Variants in TSC1 observed in about 807,000 individuals in gnomAD.
TSC1 encodes the protein TSC complex subunit 1.
A neutral mutation model predicts 124.3 loss-of-function variants in TSC1; 20 were observed. That is an observed-to-expected ratio of 0.16 (90% CI 0.11 to 0.23). TSC1 has a LOEUF of 0.23. Among genes scored for constraint, TSC1 ranks in the 10% least tolerant of loss-of-function variants. The pLI is 1.00. For synonymous variants in TSC1, 493 were observed against 539.1 expected (o/e 0.91, Z 1.19); for missense variants, 1,124 against 1,448.5 (o/e 0.78, Z 3.64).
At position 132,903,911 on chromosome 9, in the gene TSC1, A is replaced by C. The variant is rs187044247; in HGVS notation, c.2042-94T>G. On this transcript the variant is annotated intron_variant, in intron 16 of 22. Transcript: ENST00000298552. The surrounding 1 kb of genome is among the most constrained non-coding windows in gnomAD (Gnocchi z 5.9). The stretch of plus-strand genomic sequence containing the variant: ...ATGTGTTGTTAGCTTAACAAACACA[A>C]TTCTTTAAAAACAAATCACCACTCT... 2.3e-5 allele frequency: 34 copies of C among 1,465,318 alleles called. No homozygotes were observed. In the Admixed American group the frequency reaches 5.6e-4, roughly 24 times the overall value. 90.8% of individuals were successfully genotyped at this position (1,465,318 alleles called of 1,614,324 possible). A position where few individuals can be genotyped will look rare whatever the true frequency, so the allele number is the denominator to read the frequency against.
chr9:132,927,938 C>T (rs991904271), intron 3 of TSC1, among the ~76,000 whole-genome samples: 1 of 152,146 alleles, frequency 6.6e-6, no homozygotes, highest in Non-Finnish European at 1.5e-5. Flanking sequence ...GCCTCCCAAC[C>T]CACTCTTCAC....
At chr9:132,913,587 G>A (rs144531976) in intron 8 of TSC1, among the ~76,000 whole-genome samples, 1,524 of 152,148 alleles carry the variant, frequency 0.01, 22 homozygotes, top group African/African-American at 0.035. Context: ...AGCACTTTGG[G>A]AGGCTGAGGC....
rs1319022213 is a variant in TSC1, at chr9:132,921,453, G to A, written c.664-17C>T. On this transcript the variant is annotated splice_polypyrimidine_tract_variant and intron_variant, in intron 7 of 22. Transcript: ENST00000298552. This position sits in a 1 kb window ranked among gnomAD's most constrained non-coding sequence, Gnocchi z 4.3. ...CATCATTGGCTAGAAGAGTTGGGTT[G>A]ACAAATTATAAAGGGCTGAATGTTT... 6.8e-6 allele frequency: 11 copies of A among 1,613,820 alleles called. No homozygotes were observed. In the Admixed American group the frequency reaches 1.8e-4, roughly 27 times the overall value.
chr9:132,891,803 A>G lies in TSC1; in HGVS notation c.*4432T>C, dbSNP rs1010418681. On this transcript the variant is annotated 3_prime_UTR_variant, in exon 23 of 23. Coordinates refer to ENST00000298552, the MANE Select transcript of TSC1 (RefSeq NM_000368.5). The stretch of plus-strand genomic sequence containing the variant: ...TGCAAAATGCGTGGCTGCCTCTTTC[A>G]TAAGCCAAAGTACTTGCTACACAGA... 7.7e-5 allele frequency: 18 copies of G among 233,596 alleles called. No homozygotes were observed. The highest frequency in any genetic ancestry group is 4.5e-4 in the Admixed American group (8 of 17,778). The allele number at this position is 233,596 out of a possible 1,614,324, so 14.5% of individuals were successfully genotyped here.
At position 132,892,104 on chromosome 9, in the gene TSC1, A is replaced by G. The variant is rs1269500765; in HGVS notation, c.*4131T>C. The stretch of plus-strand genomic sequence containing the variant: ...TTGTAGCTACAGCTACTCTTCCCTC[A>G]GGCGAGCAGATAAGGACTGCAGGAC... On this transcript the variant is annotated 3_prime_UTR_variant, in exon 23 of 23. Coordinates refer to ENST00000298552, the MANE Select transcript of TSC1 (RefSeq NM_000368.5). 3 of 233,024 alleles carry G rather than the reference A, an allele frequency of 1.3e-5. No homozygotes were observed. The highest frequency in any genetic ancestry group is 6.6e-5 in the African/African-American group (3 of 45,344). 14.4% of individuals were successfully genotyped at this position (233,024 alleles called of 1,614,324 possible). A position where few individuals can be genotyped will look rare whatever the true frequency, so the allele number is the denominator to read the frequency against.
In TSC1 at chr9:132,906,953, G is replaced by T; in HGVS notation, c.1334-118C>A. Reference sequence around the variant, plus strand: ...TAACTCTTCATGCTGAACAGAGAAGGCTGGACATGGCTCTGTCCTGGGGAT... The same window carrying T: ...TAACTCTTCATGCTGAACAGAGAAGTCTGGACATGGCTCTGTCCTGGGGAT... On this transcript the variant is annotated intron_variant, in intron 13 of 22. Coordinates refer to ENST00000298552, the MANE Select transcript of TSC1 (RefSeq NM_000368.5). This position sits in a 1 kb window ranked among gnomAD's most constrained non-coding sequence, Gnocchi z 4.1. The T allele has an allele frequency of 1.2e-6, 1 of 817,990 alleles. No individual in the cohort carries two copies. The highest frequency in any genetic ancestry group is 2.1e-6 in the Non-Finnish European group (1 of 486,088). The allele number at this position is 817,990 out of a possible 1,614,324, so 50.7% of individuals were successfully genotyped here. A position where few individuals can be genotyped will look rare whatever the true frequency, so the allele number is the denominator to read the frequency against.
chr9:132,940,401 G>A (rs1440446737), intron 1 of TSC1, among the ~76,000 whole-genome samples: 2 of 152,110 alleles, frequency 1.3e-5, no homozygotes, highest in African/African-American at 4.8e-5. Flanking sequence ...GGGACATAAA[G>A]GGTAGAAGAG....
intron 5 of TSC1, among the ~76,000 whole-genome samples, chr9:132,924,559 C>T (rs1338711783): frequency 6.6e-6 from 1 of 152,122 alleles, no homozygotes; most frequent in Non-Finnish European, 1.5e-5. Flanking sequence ...AAGTGTTTTG[C>T]AATCTGAACT....
At chr9:132,942,424 A>T (rs949186447) in intron 1 of TSC1, 4 of 152,242 alleles carry the variant, frequency 2.6e-5, no homozygotes, top group Non-Finnish European at 4.4e-5. Context: ...CAAGTTCATT[A>T]TTCTGCAAAC....
upstream of TSC1, chr9:132,944,626 C>T (rs886063629): frequency 1.3e-5 from 5 of 398,788 alleles, no homozygotes; most frequent in Non-Finnish European, 2.2e-5. Flanking sequence ...CAGCACCTCC[C>T]CCGTCGTGAA....
In TSC1 at chr9:132,896,327, G is replaced by A. The variant is rs749612772; in HGVS notation, c.3403C>T (p.Leu1135=). 1 of 1,614,228 alleles carries A rather than the reference G, an allele frequency of 6.2e-7. No homozygotes were observed. Among genetic ancestry groups the A allele is most frequent in the Non-Finnish European group, 8.5e-7 (1 of 1,180,030 alleles). Reference sequence around the variant, plus strand: ...GGGGGAGACGGGTGAGGGCCATCTAGGTTCAGGGGAATCTTGGCTTCCACA... The same window carrying A: ...GGGGGAGACGGGTGAGGGCCATCTAAGTTCAGGGGAATCTTGGCTTCCACA... ...LGVEAKIPLN[L]DGPHPSPPTP... Residue 1135 remains leucine (L), a synonymous_variant, in exon 23 of 23, where the codon CTA becomes TTA. Transcript: ENST00000298552. This position sits in a 1 kb window ranked among gnomAD's most constrained non-coding sequence, Gnocchi z 4.5.
At chr9:132,904,499 G>C in intron 15 of TSC1, 45 bp from the exon 16 acceptor site, 1 of 1,592,658 alleles carries the variant, frequency 6.3e-7, no homozygotes, top group East Asian at 2.2e-5. Flanking sequence ...ATCTTACCAA[G>C]AAAAAAACGT....
intron 1 of TSC1, among the ~76,000 whole-genome samples, chr9:132,936,524 A>G (rs775944257): frequency 1.1e-4 from 16 of 152,148 alleles, no homozygotes; most frequent in Non-Finnish European, 1.0e-4. Context: ...TCATTTTTCT[A>G]TTTTCTTCCC....
At position 132,902,480 on chromosome 9, in the gene TSC1, G is replaced by C. The variant is rs1845431770; in HGVS notation, c.2391+125C>G. On this transcript the variant is annotated intron_variant, in intron 18 of 22. Transcript: ENST00000298552. The surrounding 1 kb of genome is among the most constrained non-coding windows in gnomAD (Gnocchi z 5.2). ...ATGAAGAATTTCTGCCATGATTTCA[G>C]AGAGAAAAGCATTCAGCTTAGTAAA... 8.1e-7 allele frequency: 1 copy of C among 1,240,906 alleles called. No homozygotes were observed. The highest frequency in any genetic ancestry group is 1.7e-5 in the Admixed American group (1 of 57,522). 76.9% of individuals were successfully genotyped at this position (1,240,906 alleles called of 1,614,324 possible). A position where few individuals can be genotyped will look rare whatever the true frequency, so the allele number is the denominator to read the frequency against.
intron 4 of TSC1, 149 bp from the exon 5 acceptor site, chr9:132,925,888 A>T: frequency 9.4e-7 from 1 of 1,059,436 alleles, no homozygotes; most frequent in Non-Finnish European, 1.4e-6. Context: ...TCAAGATTTT[A>T]AAAACCACGT....
chr9:132,910,358 C>T (rs540503013), intron 12 of TSC1: 2 of 775,142 alleles, frequency 2.6e-6, no homozygotes, highest in African/African-American at 3.5e-5. Flanking sequence ...GGGTTCCCCA[C>T]AAGAGTTCTG....
chr9:132,905,718 G>A lies in TSC1; in HGVS notation c.1860C>T (p.Val620=), dbSNP rs1588308756. The A allele has an allele frequency of 1.2e-6, 2 of 1,614,158 alleles. No individual in the cohort carries two copies. Among genetic ancestry groups the A allele is most frequent in the African/African-American group, 2.7e-5 (2 of 75,032 alleles). The part of the protein sequence containing the change: ...VALPKTAHHF[V]IRKTEELLKK... ...TTAACAGCTCCTCAGTCTTCCTGAT[G>A]ACAAAATGATGGGCTGTCTTTGGCA... is the stretch of plus-strand genomic sequence containing the variant. The change falls in exon 15 of 23, where the codon GTC becomes GTT. Residue 620 remains valine, a synonymous_variant. Coordinates refer to ENST00000298552, the MANE Select transcript of TSC1 (RefSeq NM_000368.5).
intron 1 of TSC1, among the ~76,000 whole-genome samples, chr9:132,935,344 G>T (rs1426482250): frequency 6.6e-6 from 1 of 152,220 alleles, no homozygotes; most frequent in Non-Finnish European, 1.5e-5. Flanking sequence ...GTTAATGTCT[G>T]TTAGAGGTAT....
Position 132,923,247 on chromosome 9 carries a change from A to G in TSC1, c.508+101T>C. The G allele has an allele frequency of 1.3e-6, 2 of 1,499,896 alleles. No individual in the cohort carries two copies. The highest frequency in any genetic ancestry group is 1.8e-6 in the Non-Finnish European group (2 of 1,113,308). The allele number at this position is 1,499,896 out of a possible 1,614,324, so 92.9% of individuals were successfully genotyped here. A position where few individuals can be genotyped will look rare whatever the true frequency, so the allele number is the denominator to read the frequency against. Reference sequence around the variant, plus strand: ...CTGGTGAAAACCACTCATTTCAGCTATAAAAGTCTACATGTCCATTCCTTA... The same window carrying G: ...CTGGTGAAAACCACTCATTTCAGCTGTAAAAGTCTACATGTCCATTCCTTA... On this transcript the variant is annotated intron_variant, in intron 6 of 22. Coordinates refer to ENST00000298552, the MANE Select transcript of TSC1 (RefSeq NM_000368.5). The surrounding 1 kb of genome is among the most constrained non-coding windows in gnomAD (Gnocchi z 4.2).
Sources: gnomAD v4.1 joint callset for allele counts (sites outside exome capture counted in the v4.1 genomes callset) on GRCh38, gnomAD v4.1.1 for gene constraint, Gnocchi (gnomAD v3.1) non-coding constraint, MANE v1.5 for transcripts, NCBI Gene and HGNC (gene_info 2026-07-23, HGNC 2026-07-21) for gene names.